The following PAM variants were observed in gnomAD, a reference collection of about 807,000 sequenced individuals.
The protein encoded by PAM is peptidylglycine alpha-amidating monooxygenase.
Under a neutral mutation model 122.1 loss-of-function variants are expected in PAM, and 72 were observed. The ratio of observed to expected loss-of-function variants is 0.59; its 90% CI spans 0.49 to 0.72. The LOEUF (loss-of-function observed/expected upper bound fraction) is 0.72, where lower values mean the gene tolerates loss of function less well. PAM is among the 30% of genes least tolerant of loss of function. PAM has a pLI of 0.00. For synonymous variants in PAM, 389 were observed against 404.4 expected (o/e 0.96, Z 0.46); for missense variants, 1,106 against 1,183.7 (o/e 0.93, Z 0.96).
At position 102,867,260 on chromosome 5, in the gene PAM, C is replaced by G; in HGVS notation, c.90-13C>G. 1.9e-6 allele frequency: 3 copies of G among 1,571,900 alleles called. No homozygotes were observed. Among genetic ancestry groups the G allele is most frequent in the Non-Finnish European group, 2.6e-6 (3 of 1,144,818 alleles). On this transcript the variant is annotated splice_polypyrimidine_tract_variant and intron_variant, in intron 2 of 25. Coordinates refer to ENST00000438793, the MANE Select transcript of PAM (RefSeq NM_001177306.2). ...TTATGTTCAAGAATATTGAAATTGCCCTCTTTTTTAAGGTTTAAAGAAACT... is the reference window on the plus strand; with the variant it reads ...TTATGTTCAAGAATATTGAAATTGCGCTCTTTTTTAAGGTTTAAAGAAACT...
At chr5:102,928,690 TG>T (rs1364545806) in intron 7 of PAM, among the ~76,000 whole-genome samples, 1 of 152,142 alleles carries the variant, frequency 6.6e-6, no homozygotes, top group Non-Finnish European at 1.5e-5. Context: ...ATTTATTAAT[TG>T]GGAAGTGGTG....
intron 15 of PAM, among the ~76,000 whole-genome samples, chr5:102,983,269 C>A (rs1315005105): frequency 5.3e-5 from 8 of 151,764 alleles, no homozygotes; most frequent in Non-Finnish European, 1.2e-4. Flanking sequence ...CATGGCAAAA[C>A]TCCATGTCTA....
chr5:102,958,900 G>A (rs185983878), intron 12 of PAM, among the ~76,000 whole-genome samples: 4 of 151,818 alleles, frequency 2.6e-5, no homozygotes, highest in Non-Finnish European at 5.9e-5. Flanking sequence ...TTTTTTATTA[G>A]TGTAGGCTTG....
intron 1 of PAM, among the ~76,000 whole-genome samples, chr5:102,848,313 G>C (rs1780460993): frequency 6.6e-6 from 1 of 152,110 alleles, no homozygotes; most frequent in Admixed American, 6.5e-5. Context: ...TTGCATTTTA[G>C]AAATATGAGA....
At chr5:102,777,894 A>T (rs1036829364) in intron 1 of PAM, among the ~76,000 whole-genome samples, 1 of 152,170 alleles carries the variant, frequency 6.6e-6, no homozygotes, top group Non-Finnish European at 1.5e-5. Context: ...AGCGATTAAC[A>T]TGGGGTGGTT....
intron 23 of PAM, among the ~76,000 whole-genome samples, chr5:103,021,239 A>C (rs918095134): frequency 1.3e-5 from 2 of 152,136 alleles, no homozygotes; most frequent in Non-Finnish European, 2.9e-5. Flanking sequence ...CAAAGCCTGC[A>C]CTCTTAACCA....
At chr5:102,855,448 A>G (rs961317762) in intron 1 of PAM, among the ~76,000 whole-genome samples, 1 of 152,208 alleles carries the variant, frequency 6.6e-6, no homozygotes, top group Non-Finnish European at 1.5e-5. Context: ...TGAAAATACA[A>G]CTATGCTATG....
chr5:102,954,040 A>G (rs1212646887), intron 12 of PAM, among the ~76,000 whole-genome samples: 1 of 152,062 alleles, frequency 6.6e-6, no homozygotes, highest in African/African-American at 2.4e-5. Context: ...GTCTCAAAAT[A>G]AAAAAATATT....
chr5:102,993,518 T>C (rs1213390497), intron 16 of PAM, among the ~76,000 whole-genome samples: 3 of 152,170 alleles, frequency 2.0e-5, no homozygotes, highest in Non-Finnish European at 4.4e-5. Context: ...TCTTATTTCA[T>C]TTATCATTTC....
In PAM at chr5:102,950,604, G is replaced by A. The variant is rs991788849; in HGVS notation, c.802-113G>A. On this transcript the variant is annotated intron_variant, in intron 11 of 25. Transcript: ENST00000438793. Reference sequence around the variant, plus strand: ...TTGATAAAATTCAACATCCCTTCATGATTAAACCCTCAAAAAAGGGGTAAA... The same window carrying A: ...TTGATAAAATTCAACATCCCTTCATAATTAAACCCTCAAAAAAGGGGTAAA... The A allele has an allele frequency of 6.5e-5, 43 of 665,616 alleles. No homozygotes were observed. In the African/African-American group the frequency reaches 7.0e-4, roughly 11 times the overall value. 41.2% of individuals were successfully genotyped at this position (665,616 alleles called of 1,614,324 possible).
intron 5 of PAM, among the ~76,000 whole-genome samples, chr5:102,924,224 G>A (rs1399573829): frequency 1.3e-5 from 2 of 151,962 alleles, no homozygotes; most frequent in Non-Finnish European, 2.9e-5. Context: ...CTGAGATCAG[G>A]AGTTCAAGAC....
intron 1 of PAM, among the ~76,000 whole-genome samples, chr5:102,826,841 G>C (rs902207820): frequency 6.6e-6 from 1 of 152,168 alleles, no homozygotes; most frequent in African/African-American, 2.4e-5. Context: ...ATTCAGTCTT[G>C]AGGAAGTAAA....
At chr5:102,811,086 C>A (rs1311126933) in intron 1 of PAM, among the ~76,000 whole-genome samples, 2 of 152,180 alleles carry the variant, frequency 1.3e-5, no homozygotes, top group African/African-American at 4.8e-5. Context: ...GAGTTGAGCA[C>A]TTTTTCCTAA....
chr5:102,936,906 T>G (rs1753446042), intron 7 of PAM, among the ~76,000 whole-genome samples: 1 of 152,138 alleles, frequency 6.6e-6, no homozygotes, highest in South Asian at 2.1e-4. Flanking sequence ...TGCATTTTTT[T>G]CCTGTAGAAC....
At chr5:102,963,814 T>C (rs1763227833) in intron 14 of PAM, among the ~76,000 whole-genome samples, 1 of 151,240 alleles carries the variant, frequency 6.6e-6, no homozygotes, top group Admixed American at 6.6e-5. Context: ...TATATGTGTG[T>C]ATATATGCAC....
intron 15 of PAM, among the ~76,000 whole-genome samples, chr5:102,975,994 C>T (rs1279397748): frequency 6.6e-6 from 1 of 151,976 alleles, no homozygotes; most frequent in Non-Finnish European, 1.5e-5. Context: ...CTTAAAATAC[C>T]CAAGTGCATG....
At chr5:102,822,690 C>T (rs780602867) in intron 1 of PAM, among the ~76,000 whole-genome samples, 3 of 152,084 alleles carry the variant, frequency 2.0e-5, no homozygotes, top group Admixed American at 6.5e-5. Context: ...GTTAATGCCT[C>T]CCCAGGATTA....
chr5:103,027,016 A>T (rs1785133646), intron 24 of PAM, among the ~76,000 whole-genome samples: 1 of 152,182 alleles, frequency 6.6e-6, no homozygotes, highest in Non-Finnish European at 1.5e-5. Context: ...AACCCTAGAA[A>T]ATTGCCATTA....
intron 4 of PAM, among the ~76,000 whole-genome samples, chr5:102,903,588 G>A (rs1040903435): frequency 5.3e-5 from 8 of 151,426 alleles, no homozygotes; most frequent in South Asian, 2.1e-4. Context: ...CGGCTGGACC[G>A]TTACCATCAT....
Sources: gnomAD v4.1 joint callset for allele counts (sites outside exome capture counted in the v4.1 genomes callset) on GRCh38, gnomAD v4.1.1 for gene constraint, MANE v1.5 for transcripts, NCBI Gene and HGNC (gene_info 2026-07-23, HGNC 2026-07-21) for gene names.